FGF12: variants seen among roughly 807,000 people sequenced by gnomAD.
FGF12 encodes fibroblast growth factor 12B.
Under a neutral mutation model 23.6 loss-of-function variants are expected in FGF12, and 14 were observed. The ratio of observed to expected loss-of-function variants is 0.59; its 90% confidence interval spans 0.39 to 0.93. The LOEUF (loss-of-function observed/expected upper bound fraction) is 0.93. Among genes scored for constraint, FGF12 ranks in the 40% least tolerant of loss-of-function variants. The pLI is 0.00. For missense variants in FGF12, 175 were observed against 217.8 expected (o/e 0.80, Z 1.24); for synonymous variants, 62 against 77.3 (o/e 0.80, Z 1.04).
intron 2 of FGF12, among the ~76,000 whole-genome samples, chr3:192,426,049 T>C (rs1350804593): frequency 1.3e-5 from 2 of 152,198 alleles, no homozygotes; most frequent in East Asian, 1.9e-4. Flanking sequence ...TATTGAAAAG[T>C]TATCTGTTTT....
At chr3:192,612,473 C>A (rs994338012) in intron 2 of FGF12, among the ~76,000 whole-genome samples, 8 of 151,810 alleles carry the variant, frequency 5.3e-5, no homozygotes, top group African/African-American at 1.9e-4. Context: ...TGATGATATT[C>A]ATCTTAATTA....
intron 4 of FGF12, among the ~76,000 whole-genome samples, chr3:192,225,465 C>T (rs1718684337): frequency 6.6e-6 from 1 of 152,072 alleles, no homozygotes; most frequent in African/African-American, 2.4e-5. Flanking sequence ...TCCTTATAAG[C>T]CTCCAATGAG....
intron 2 of FGF12, among the ~76,000 whole-genome samples, chr3:192,530,619 T>C (rs1725062889): frequency 6.6e-6 from 1 of 152,194 alleles, no homozygotes; most frequent in South Asian, 2.1e-4. Flanking sequence ...AAATTGGACT[T>C]TTAGTAGAAA....
intron 4 of FGF12, among the ~76,000 whole-genome samples, chr3:192,265,790 CT>C (rs1215473567): frequency 1.3e-5 from 2 of 152,062 alleles, no homozygotes; most frequent in African/African-American, 4.8e-5. Flanking sequence ...ACAATATTTA[CT>C]ATCTGGCTCT....
chr3:192,553,399 A>G (rs889823912), intron 2 of FGF12, among the ~76,000 whole-genome samples: 5 of 152,210 alleles, frequency 3.3e-5, no homozygotes, highest in Admixed American at 6.5e-5. Flanking sequence ...AAATACTACA[A>G]TGGTAACTCT....
At chr3:192,183,019 G>T (rs747334659) in intron 4 of FGF12, among the ~76,000 whole-genome samples, 2 of 152,320 alleles carry the variant, frequency 1.3e-5, no homozygotes, top group Non-Finnish European at 2.9e-5. Flanking sequence ...CTTCCTGCAG[G>T]TGATTACAAT....
At chr3:192,488,465 G>GAGA (rs1374775106) in intron 2 of FGF12, among the ~76,000 whole-genome samples, 1 of 152,044 alleles carries the variant, frequency 6.6e-6, no homozygotes, top group African/African-American at 2.4e-5. Context: ...ATCAGACTCA[G>GAGA]CATAAAATGA....
chr3:192,706,766 C>A, intron 2 of FGF12, among the ~76,000 whole-genome samples: 1 of 152,158 alleles, frequency 6.6e-6, no homozygotes, highest in South Asian at 2.1e-4. Context: ...GACCTTTTTA[C>A]AACATATCTA....
intron 3 of FGF12, among the ~76,000 whole-genome samples, chr3:192,338,884 T>G (rs1160730917): frequency 6.6e-6 from 1 of 152,140 alleles, no homozygotes; most frequent in African/African-American, 2.4e-5. Context: ...TGGAAAACGA[T>G]TAAGTTCACT....
At chr3:192,292,727 A>G (rs1714822255) in intron 4 of FGF12, among the ~76,000 whole-genome samples, 1 of 152,138 alleles carries the variant, frequency 6.6e-6, no homozygotes, top group Non-Finnish European at 1.5e-5. Context: ...ATCTGAAACA[A>G]CAAACAACAC....
At chr3:192,432,563 G>A (rs1721889910) in intron 2 of FGF12, among the ~76,000 whole-genome samples, 1 of 150,064 alleles carries the variant, frequency 6.7e-6, no homozygotes, top group Non-Finnish European at 1.5e-5. Context: ...AACCGCCTGT[G>A]GGAAGGGCCA....
At chr3:192,191,835 C>CAAA (rs66475128) in intron 4 of FGF12, among the ~76,000 whole-genome samples, 1 of 101,482 alleles carries the variant, frequency 9.9e-6, no homozygotes, top group African/African-American at 3.2e-5. Context: ...GACTCCGTCT[C>CAAA]AAAAAAAAAA....
At chr3:192,411,561 G>T (rs1319778588) in intron 2 of FGF12, among the ~76,000 whole-genome samples, 1 of 152,214 alleles carries the variant, frequency 6.6e-6, no homozygotes, top group Non-Finnish European at 1.5e-5. Context: ...TGTGCATCTG[G>T]ATGGGGTGAG....
At chr3:192,417,708 G>C (rs1385883764) in intron 2 of FGF12, among the ~76,000 whole-genome samples, 7 of 152,012 alleles carry the variant, frequency 4.6e-5, no homozygotes, top group Non-Finnish European at 8.8e-5. Context: ...TAATCTAGGA[G>C]AGTTTCCCTT....
intron 2 of FGF12, among the ~76,000 whole-genome samples, chr3:192,535,498 TG>T (rs1560142858): frequency 6.6e-6 from 1 of 152,152 alleles, no homozygotes; most frequent in African/African-American, 2.4e-5. Flanking sequence ...GAGAAGAATT[TG>T]GAGCTCCTGT....
In FGF12 at chr3:192,408,681, C is replaced by T; in HGVS notation, c.14-48143G>A. 3.0e-6 allele frequency: 3 copies of T among 994,166 alleles called. No individual in the cohort carries two copies. Among genetic ancestry groups the T allele is most frequent in the Non-Finnish European group, 3.6e-6 (3 of 835,962 alleles). The allele number at this position is 994,166 out of a possible 1,614,324, so 61.6% of individuals were successfully genotyped here. A position where few individuals can be genotyped will look rare whatever the true frequency, so the allele number is the denominator to read the frequency against. Reference sequence around the variant, plus strand: ...GGTGTCCAAAGTATACCTACACATACATACATAGAAAACCCGTTTACAAAG... The same window carrying T: ...GGTGTCCAAAGTATACCTACACATATATACATAGAAAACCCGTTTACAAAG... On this transcript the variant is annotated intron_variant, in intron 2 of 5. Coordinates refer to ENST00000445105, the MANE Select transcript of FGF12 (RefSeq NM_004113.6). This position sits in a 1 kb window ranked among gnomAD's most constrained non-coding sequence, Gnocchi z 7.3.
In FGF12 at chr3:192,439,285, T is replaced by G. The variant is rs778723712; in HGVS notation, c.14-78747A>C. Reference sequence around the variant, plus strand: ...ACACTATCAGTATTCTTTATATAGATTTTAGAGCATCTACTGGTAATTCAT... The same window carrying G: ...ACACTATCAGTATTCTTTATATAGAGTTTAGAGCATCTACTGGTAATTCAT... On this transcript the variant is annotated intron_variant, in intron 2 of 5. Coordinates refer to ENST00000445105, the MANE Select transcript of FGF12 (RefSeq NM_004113.6). Among the ~76,000 whole-genome samples, 16 of 152,194 alleles carry G rather than the reference T, an allele frequency of 1.1e-4. 1 individual carries two copies. Among genetic ancestry groups the G allele is most frequent in the Non-Finnish European group, 2.1e-4 (14 of 68,034 alleles).
chr3:192,202,175 C>T (rs1379808203), intron 4 of FGF12, among the ~76,000 whole-genome samples: 1 of 151,916 alleles, frequency 6.6e-6, no homozygotes, highest in East Asian at 1.9e-4. Flanking sequence ...AGGTATCCAA[C>T]AGAAAGTTCC....
chr3:192,550,371 G>T (rs1014126472), intron 2 of FGF12, among the ~76,000 whole-genome samples: 13 of 149,118 alleles, frequency 8.7e-5, no homozygotes, highest in African/African-American at 2.9e-4. Context: ...TTATATGTGT[G>T]TATACATAAT....
Sources: gnomAD v4.1 joint callset for allele counts (sites outside exome capture counted in the v4.1 genomes callset) on GRCh38, gnomAD v4.1.1 for gene constraint, Gnocchi (gnomAD v3.1) non-coding constraint, MANE v1.5 for transcripts, NCBI Gene and HGNC (gene_info 2026-07-23, HGNC 2026-07-21) for gene names.